Variants in SASH1 observed in about 807,000 individuals in gnomAD.
SASH1 encodes the protein SAM and SH3 domain-containing protein 1.
SASH1 carries 44 observed loss-of-function variants against 125.2 expected under a neutral mutation model. That is an observed-to-expected ratio of 0.35 (90% CI 0.28 to 0.45). The LOEUF is 0.45. Ranked by LOEUF, SASH1 falls within the 20% of genes least tolerant of loss-of-function variation. The pLI is 1.00. For missense variants in SASH1, 1,426 were observed against 1,614.5 expected (o/e 0.88, Z 2.00); for synonymous variants, 639 against 649.1 (o/e 0.98, Z 0.24).
At chr6:148,351,200 T>TTC (rs1292777927) in intron 1 of SASH1, among the ~76,000 whole-genome samples, 73 of 151,310 alleles carry the variant, frequency 4.8e-4, no homozygotes, top group African/African-American at 1.7e-3. Flanking sequence ...AGTTTTTTTT[T>TTC]TTTTTTTTTT....
the SASH1 span, among the ~76,000 whole-genome samples, chr6:148,260,276 T>C: frequency 6.6e-5 from 10 of 152,220 alleles, no homozygotes; most frequent in Admixed American, 6.5e-4. Flanking sequence ...TTTTATATTA[T>C]GAAATATTTG....
At chr6:148,456,184 T>TC (rs1424857167) in intron 4 of SASH1, among the ~76,000 whole-genome samples, 3 of 152,062 alleles carry the variant, frequency 2.0e-5, no homozygotes, top group Non-Finnish European at 2.9e-5. Context: ...TCTGCCCTAC[T>TC]CCCTTCCCCA....
At chr6:148,540,733 G>C (rs1034120770) in intron 17 of SASH1, among the ~76,000 whole-genome samples, 177 bp downstream of exon 17, 2 of 152,168 alleles carry the variant, frequency 1.3e-5, no homozygotes, top group African/African-American at 4.8e-5. Context: ...TGGCTGCTGG[G>C]TGAGGTTAAT....
intron 1 of SASH1, among the ~76,000 whole-genome samples, chr6:148,357,605 T>TTCTC (rs1395823827): frequency 6.6e-6 from 1 of 152,164 alleles, no homozygotes; most frequent in African/African-American, 2.4e-5. Flanking sequence ...GGTCCATCAA[T>TTCTC]TCCAAGGTGG....
intron 1 of SASH1, among the ~76,000 whole-genome samples, chr6:148,304,428 G>A (rs9791334): frequency 0.28 from 37,977 of 134,522 alleles, 5,525 homozygotes; most frequent in South Asian, 0.37. Flanking sequence ...GAGTGACTCC[G>A]TCTCAAAAAA....
intron 1 of SASH1, among the ~76,000 whole-genome samples, chr6:148,310,776 A>G (rs889743921): frequency 3.3e-5 from 5 of 152,206 alleles, no homozygotes; most frequent in Non-Finnish European, 7.3e-5. Context: ...GGAAAATGCA[A>G]ATTTAAAAAC....
intron 1 of SASH1, among the ~76,000 whole-genome samples, chr6:148,319,889 C>G (rs1780595276): frequency 6.6e-6 from 1 of 152,166 alleles, no homozygotes; most frequent in Non-Finnish European, 1.5e-5. Context: ...ACATCCCTCC[C>G]AGGATGTGAC....
intron 7 of SASH1, among the ~76,000 whole-genome samples, chr6:148,485,476 C>G (rs966482699): frequency 1.3e-5 from 2 of 152,172 alleles, no homozygotes; most frequent in Admixed American, 6.6e-5. Context: ...TAGTATTATA[C>G]TAACTCTATT....
chr6:148,526,912 G>A lies in SASH1; in HGVS notation c.1285-541G>A, dbSNP rs780879557. ...CTCTGAGAGGGAGTCTCACTCTGTC[G>A]CCCAGGCTGGAGTGCAGTGACGCGA... On this transcript the variant is annotated intron_variant, in intron 11 of 19. Coordinates refer to ENST00000367467, the MANE Select transcript of SASH1 (RefSeq NM_015278.5). Among the ~76,000 whole-genome samples the A allele has an allele frequency of 2.1e-5, 3 of 141,166 alleles. No homozygotes were observed. In the South Asian group the frequency reaches 6.6e-4, roughly 31 times the overall value. The allele number at this position is 141,166 out of a possible 152,430, so 92.6% of individuals were successfully genotyped here.
At chr6:148,419,614 T>C (rs1273273596) in intron 2 of SASH1, among the ~76,000 whole-genome samples, 1 of 152,240 alleles carries the variant, frequency 6.6e-6, no homozygotes, top group African/African-American at 2.4e-5. Flanking sequence ...TCAATCATTG[T>C]GTTCAGACTC....
chr6:148,299,683 A>AG (rs1388214714), intron 1 of SASH1, among the ~76,000 whole-genome samples: 5 of 151,958 alleles, frequency 3.3e-5, no homozygotes, highest in African/African-American at 1.2e-4. Flanking sequence ...AAAAAAAAAA[A>AG]AAGGCCTTTC....
chr6:148,291,384 TA>T (rs1482954176), intron 1 of SASH1, among the ~76,000 whole-genome samples: 1 of 152,164 alleles, frequency 6.6e-6, no homozygotes, highest in Non-Finnish European at 1.5e-5. Flanking sequence ...GAATAGCTTT[TA>T]AAAAGTGCAG....
chr6:148,510,942 G>A (rs1780078980), intron 8 of SASH1, among the ~76,000 whole-genome samples: 1 of 148,756 alleles, frequency 6.7e-6, no homozygotes. Flanking sequence ...GTTGCAGTGA[G>A]CTGAGATCGC....
In SASH1 at chr6:148,273,271, T is replaced by C. The variant is rs1232621350; in HGVS notation, n.74+894T>C. ...TGAGATCTTGTCTCTTCTTTTCTTCTTCTTTTTTAAATTTTTCTTTCTTTC... is the reference window on the plus strand; with the variant it reads ...TGAGATCTTGTCTCTTCTTTTCTTCCTCTTTTTTAAATTTTTCTTTCTTTC... On this transcript the variant is annotated intron_variant and non_coding_transcript_variant, in intron 1 of 3. Transcript: ENST00000367469. 2.0e-5 allele frequency among the ~76,000 whole-genome samples: 3 copies of C among 150,928 alleles called. No individual in the cohort carries two copies. In the Admixed American group the frequency reaches 2.0e-4, roughly 10 times the overall value.
intron 4 of SASH1, among the ~76,000 whole-genome samples, chr6:148,459,986 G>A (rs1777541085): frequency 6.6e-6 from 1 of 152,140 alleles, no homozygotes; most frequent in Admixed American, 6.5e-5. Context: ...CCTGGGTAGT[G>A]GCCTTATGAC....
chr6:148,487,092 T>TACAC (rs1186673454), intron 7 of SASH1, among the ~76,000 whole-genome samples: 9,481 of 118,680 alleles, frequency 0.08, 690 homozygotes, highest in Non-Finnish European at 0.1. Flanking sequence ...CACATATATA[T>TACAC]ACACACACAC....
chr6:148,509,224 G>A (rs146145150), intron 8 of SASH1: 105 of 255,740 alleles, frequency 4.1e-4, no homozygotes, highest in African/African-American at 2.1e-3. Flanking sequence ...ATATCTGATT[G>A]GCTTCCTTCT....
intron 1 of SASH1, among the ~76,000 whole-genome samples, chr6:148,343,821 C>T (rs1055450006): frequency 6.6e-6 from 1 of 152,194 alleles, no homozygotes; most frequent in Non-Finnish European, 1.5e-5. Context: ...GGCATAGTCT[C>T]TGGGAAGCAG....
At chr6:148,372,547 T>G (rs1021397840) in intron 1 of SASH1, among the ~76,000 whole-genome samples, 1 of 152,168 alleles carries the variant, frequency 6.6e-6, no homozygotes, top group Non-Finnish European at 1.5e-5. Flanking sequence ...CTAGTTACTT[T>G]TAAGGTCTGA....
Sources: allele counts gnomAD v4.1 joint callset (sites outside exome capture counted in the v4.1 genomes callset), GRCh38; gene constraint gnomAD v4.1.1; transcripts MANE v1.5; gene names NCBI Gene and HGNC (gene_info 2026-07-23, HGNC 2026-07-21).